Variants in EPSTI1 observed in about 807,000 individuals in gnomAD.
EPSTI1 encodes the protein epithelial-stromal interaction protein 1.
Under a neutral mutation model 49.9 loss-of-function variants are expected in EPSTI1, and 66 were observed. That is an observed-to-expected ratio of 1.32 (90% CI 1.08 to 1.62). The LOEUF (loss-of-function observed/expected upper bound fraction) is 1.62. Ranked by LOEUF, EPSTI1 falls within the 40% of genes most tolerant of loss-of-function variation. The pLI is 0.00. For synonymous variants in EPSTI1, 137 were observed against 130.7 expected, an observed-to-expected ratio of 1.05 and a Z score of -0.33; for missense variants, 394 against 365.5, an observed-to-expected ratio of 1.08 and a Z score of -0.64.
Position 42,888,131 on chromosome 13 carries a change from A to G in EPSTI1, c.*363T>C, listed in dbSNP as rs2036914812. ...TTTCAAAACCTGATCTGAGAATTAG[A>G]TAAGAATATGTCACTTAGAAAGACA... On this transcript the variant is annotated 3_prime_UTR_variant, in exon 11 of 11. Transcript: ENST00000313624. 1.6e-6 allele frequency: 2 copies of G among 1,215,552 alleles called. No homozygotes were observed. The highest frequency in any genetic ancestry group is 2.4e-5 in the Admixed American group (1 of 42,204). The allele number at this position is 1,215,552 out of a possible 1,614,324, so 75.3% of individuals were successfully genotyped here.
chr13:42,963,710 A>G, intron 4 of EPSTI1: 1 of 296,492 alleles, frequency 3.4e-6, no homozygotes, highest in Non-Finnish European at 6.1e-6. Context: ...GGAATCTTAA[A>G]TATTTTTTGT....
chr13:42,933,800 G>C (rs4129944), intron 6 of EPSTI1: 65,004 of 152,178 alleles, frequency 0.43, 14,697 homozygotes, highest in Non-Finnish European at 0.52. Context: ...AATGCTGGGA[G>C]GAGGAACACC....
At chr13:42,930,816 T>A (rs1340712532) in intron 6 of EPSTI1, among the ~76,000 whole-genome samples, 1 of 152,238 alleles carries the variant, frequency 6.6e-6, no homozygotes. Flanking sequence ...TTGTCAGGTA[T>A]GTATCCTGAT....
rs373777755 is a variant in EPSTI1, at chr13:42,990,368, G to A, written c.188+1610C>T. ...CAATTTGATCTGGCAAGATTCCAGG[G>A]TAATTACAACCAAATAAGAAAACAG... is the stretch of plus-strand genomic sequence containing the variant. On this transcript the variant is annotated intron_variant, in intron 1 of 10. Transcript: ENST00000313624. 3.1e-4 allele frequency among the ~76,000 whole-genome samples: 47 copies of A among 152,176 alleles called. 2 individuals are homozygous for A. In the East Asian group the frequency reaches 3.3e-3, roughly 11 times the overall value.
intron 5 of EPSTI1, among the ~76,000 whole-genome samples, chr13:42,954,728 A>G (rs1467851166): frequency 1.3e-5 from 2 of 152,212 alleles, no homozygotes; most frequent in Non-Finnish European, 2.9e-5. Context: ...TTAACTTGCT[A>G]TGACCTATGA....
At position 42,926,348 on chromosome 13, in the gene EPSTI1, T is replaced by C. The variant is rs760042638; in HGVS notation, c.645A>G (p.Gln215=). The C allele has an allele frequency of 8.7e-6, 14 of 1,605,564 alleles. No individual in the cohort carries two copies. Among genetic ancestry groups the C allele is most frequent in the South Asian group, 3.3e-5 (3 of 90,906 alleles). The change falls in exon 7 of 11, where the codon CAA becomes CAG. Residue 215 remains glutamine (Q), a synonymous_variant. Transcript: ENST00000313624. ...SACQSAVCGP[Q]SSTWARSWAY... ...GTAATTCACTTACCCATGTTGAGGA[T>C]TGTGGGCCACAAACAGCACTTTGAC...
chr13:42,890,298 T>A (rs2036994133), intron 10 of EPSTI1, among the ~76,000 whole-genome samples: 1 of 62,226 alleles, frequency 1.6e-5, no homozygotes, highest in Non-Finnish European at 5.1e-5. Flanking sequence ...TTTCTTTTCT[T>A]TTTTTTTTTT....
At position 42,911,284 on chromosome 13, in the gene EPSTI1, CGTGT is replaced by C. The variant is rs970308756; in HGVS notation, c.741+6253_741+6256del. ...GTGTGTGCGCGCGCACGCGCGCACA[CGTGT>C]GTGAGTGTGCACATGCTTCCTTTAT... On this transcript the variant is annotated intron_variant, in intron 8 of 10. Coordinates refer to ENST00000313624, the MANE Select transcript of EPSTI1 (RefSeq NM_033255.5). 1.6e-4 allele frequency among the ~76,000 whole-genome samples: 18 copies of C among 111,560 alleles called. No individual in the cohort carries two copies. In the South Asian group the frequency reaches 3.5e-3, roughly 21 times the overall value. The allele number at this position is 111,560 out of a possible 152,430, so 73.2% of individuals were successfully genotyped here.
intron 8 of EPSTI1, among the ~76,000 whole-genome samples, chr13:42,907,676 T>C (rs1186218314): frequency 1.3e-5 from 2 of 152,258 alleles, no homozygotes; most frequent in Non-Finnish European, 2.9e-5. Context: ...TTCTAAAGTT[T>C]AAATTTCATT....
intron 6 of EPSTI1, among the ~76,000 whole-genome samples, chr13:42,944,168 GGTATATA>G: frequency 6.6e-6 from 1 of 152,114 alleles, no homozygotes; most frequent in East Asian, 1.9e-4. Context: ...CCCATTATCG[GGTATATA>G]CCCAAAGGAT....
intron 7 of EPSTI1, among the ~76,000 whole-genome samples, chr13:42,918,120 G>C (rs920433491): frequency 3.3e-5 from 5 of 152,134 alleles, no homozygotes; most frequent in African/African-American, 1.2e-4. Flanking sequence ...TATTTTCTAA[G>C]CACTTGCATC....
intron 2 of EPSTI1, chr13:42,969,506 G>GA: frequency 3.9e-6 from 1 of 257,890 alleles, no homozygotes; most frequent in Non-Finnish European, 7.4e-6. Flanking sequence ...GTTACCTATA[G>GA]AAAATGTGTG....
At chr13:42,942,658 C>CTTTTTTTTTTTTT (rs1161224574) in intron 6 of EPSTI1, among the ~76,000 whole-genome samples, 1 of 64,626 alleles carries the variant, frequency 1.5e-5, no homozygotes, top group South Asian at 8.4e-4. Flanking sequence ...CCTGTTGATT[C>CTTTTTTTTTTTTT]TTTTTTTTTT....
chr13:42,971,835 C>A (rs563920094), intron 1 of EPSTI1, among the ~76,000 whole-genome samples: 1 of 152,320 alleles, frequency 6.6e-6, no homozygotes, highest in African/African-American at 2.4e-5. Context: ...TGTGCAACAG[C>A]CTTTGCATGC....
intron 6 of EPSTI1, among the ~76,000 whole-genome samples, chr13:42,926,990 GACACAC>G (rs10529424): frequency 0.26 from 37,642 of 144,266 alleles, 5,161 homozygotes; most frequent in Non-Finnish European, 0.33. Context: ...TCTGTTAACA[GACACAC>G]ACACACACAC....
chr13:42,968,953 CA>C (rs751645012), intron 3 of EPSTI1, 140 bp downstream of exon 3: 72,902 of 598,860 alleles, frequency 0.12, 5,352 homozygotes, highest in Middle Eastern at 0.17. Flanking sequence ...CACACACACA[CA>C]ATTAAATGCA....
chr13:42,950,424 CATT>C (rs2039059785), intron 6 of EPSTI1, among the ~76,000 whole-genome samples: 1 of 152,236 alleles, frequency 6.6e-6, no homozygotes, highest in Non-Finnish European at 1.5e-5. Context: ...AAACTGCCTT[CATT>C]ATTACACTCA....
At chr13:42,941,630 C>A (rs1168305102) in intron 6 of EPSTI1, among the ~76,000 whole-genome samples, 25 of 141,006 alleles carry the variant, frequency 1.8e-4, no homozygotes, top group Non-Finnish European at 2.9e-4. Flanking sequence ...AAAAAAAAAA[C>A]AGAAAAAAAA....
intron 8 of EPSTI1, among the ~76,000 whole-genome samples, chr13:42,903,096 T>C (rs546056262): frequency 2.0e-5 from 3 of 152,318 alleles, no homozygotes; most frequent in East Asian, 1.9e-4. Context: ...ATCTGGCCCA[T>C]TGTGAGTTTA....
Sources: gnomAD v4.1 joint callset for allele counts (sites outside exome capture counted in the v4.1 genomes callset) on GRCh38, gnomAD v4.1.1 for gene constraint, MANE v1.5 for transcripts, NCBI Gene and HGNC (gene_info 2026-07-23, HGNC 2026-07-21) for gene names.